Variants in HACE1 observed in about 807,000 individuals in gnomAD.
HACE1 encodes HECT domain and ankyrin repeat containing E3 ubiquitin protein ligase 1.
A neutral mutation model predicts 118.4 loss-of-function variants in HACE1; 73 were observed. The observed-to-expected ratio is 0.62, with a 90% CI of 0.51 to 0.75. HACE1 has a LOEUF of 0.75. HACE1 is among the 30% of genes least tolerant of loss of function. HACE1 has a pLI of 0.00. For synonymous variants in HACE1, 368 were observed against 374.8 expected (o/e 0.98, Z 0.21); for missense variants, 749 against 1,102.2 (o/e 0.68, Z 4.54).
intron 9 of HACE1, 93 bp from the exon 10 acceptor site, chr6:104,795,778 T>C: frequency 5.3e-6 from 4 of 759,820 alleles, no homozygotes; most frequent in Non-Finnish European, 6.9e-6. Flanking sequence ...TTAAAGCCAA[T>C]TAGTCTAAAT....
chr6:104,817,904 A>C (rs1321981127), intron 6 of HACE1, among the ~76,000 whole-genome samples: 2 of 152,198 alleles, frequency 1.3e-5, no homozygotes, highest in African/African-American at 4.8e-5. Context: ...AAAAGTCATA[A>C]ACTGAGAAAG....
chr6:104,751,459 C>T (rs1778034608), intron 19 of HACE1, among the ~76,000 whole-genome samples: 1 of 152,000 alleles, frequency 6.6e-6, no homozygotes. Context: ...AATATTGTTA[C>T]TTAAAATTTA....
intron 1 of HACE1, among the ~76,000 whole-genome samples, chr6:104,853,478 T>C (rs1776436026): frequency 6.6e-6 from 1 of 152,150 alleles, no homozygotes; most frequent in African/African-American, 2.4e-5. Flanking sequence ...TTCAATGTAT[T>C]TTGGAGGTTT....
At chr6:104,821,197 G>A (rs1772677381) in intron 6 of HACE1, among the ~76,000 whole-genome samples, 1 of 152,170 alleles carries the variant, frequency 6.6e-6, no homozygotes, top group South Asian at 2.1e-4. Flanking sequence ...AGGGGTGGAG[G>A]ATGGGAGGAG....
At chr6:104,784,531 G>A (rs1312052053) in intron 12 of HACE1, 46 bp from the exon 13 acceptor site, 1 of 1,285,678 alleles carries the variant, frequency 7.8e-7, no homozygotes, top group African/African-American at 1.5e-5. Flanking sequence ...AAAAGTTTGT[G>A]ATATAATATA....
At chr6:104,734,368 C>A (rs1775582382) in intron 22 of HACE1, among the ~76,000 whole-genome samples, 1 of 151,930 alleles carries the variant, frequency 6.6e-6, no homozygotes, top group Non-Finnish European at 1.5e-5. Context: ...AAAGATACTT[C>A]AGTATCTAAA....
At chr6:104,788,462 T>C (rs559485315) in intron 11 of HACE1, among the ~76,000 whole-genome samples, 1 of 152,252 alleles carries the variant, frequency 6.6e-6, no homozygotes, top group East Asian at 1.9e-4. Context: ...AGTGCTGAAA[T>C]GAGGAATGAA....
intron 19 of HACE1, among the ~76,000 whole-genome samples, chr6:104,765,445 G>C (rs1323870692): frequency 6.6e-6 from 1 of 152,188 alleles, no homozygotes; most frequent in East Asian, 1.9e-4. Context: ...ATCAGCTGTA[G>C]TCAGTGTCTT....
rs774492588 is a variant in HACE1, at chr6:104,849,186, T to C, written c.282A>G (p.Gln94=). ...LLKKGANPNY[Q]DISGCTPLHL... is the part of the protein sequence containing the mutation. ...GAAGGGGTGTACAGCCTGAAATATC[T>C]TGATAGTTAGGATTTGCTCCTTTCT... Residue 94 remains glutamine (Q), a synonymous_variant, in exon 4 of 24, where the codon CAA becomes CAG. Transcript: ENST00000262903. 2 of 1,611,136 alleles carry C rather than the reference T, an allele frequency of 1.2e-6. No homozygotes were observed. The highest frequency in any genetic ancestry group is 1.7e-5 in the Admixed American group (1 of 60,010).
chr6:104,743,932 A>T (rs1371192043), intron 22 of HACE1, among the ~76,000 whole-genome samples: 1 of 152,124 alleles, frequency 6.6e-6, no homozygotes, highest in Non-Finnish European at 1.5e-5. Context: ...TATACTGATA[A>T]TCCTAACTGG....
chr6:104,784,213 G>GAGCAGCA (rs765885832), intron 13 of HACE1, 40 bp from the exon 14 acceptor site: 1 of 1,140,230 alleles, frequency 8.8e-7, no homozygotes, highest in South Asian at 1.2e-5. Flanking sequence ...CAGGAAGAAT[G>GAGCAGCA]AGTAGCATTA....
chr6:104,792,937 A>G (rs999171513), intron 10 of HACE1, among the ~76,000 whole-genome samples: 2 of 152,168 alleles, frequency 1.3e-5, no homozygotes, highest in Non-Finnish European at 2.9e-5. Context: ...GCTCATTAGA[A>G]GCACGGAGCT....
At chr6:104,779,848 A>C (rs1183685807) in intron 14 of HACE1, among the ~76,000 whole-genome samples, 4 of 152,156 alleles carry the variant, frequency 2.6e-5, no homozygotes, top group South Asian at 4.1e-4. Flanking sequence ...CAAATAAAGA[A>C]CATAATTATG....
intron 17 of HACE1, among the ~76,000 whole-genome samples, chr6:104,775,004 T>C (rs2114734160): frequency 6.6e-6 from 1 of 152,322 alleles, no homozygotes. Context: ...TTATTAATAC[T>C]ATGACACCAA....
At chr6:104,802,555 C>A (rs1770499840) in intron 7 of HACE1, among the ~76,000 whole-genome samples, 1 of 152,132 alleles carries the variant, frequency 6.6e-6, no homozygotes, top group Non-Finnish European at 1.5e-5. Flanking sequence ...TCAGGATTAA[C>A]AAACTCATTC....
chr6:104,749,751 C>T (rs1393555490), intron 20 of HACE1, among the ~76,000 whole-genome samples: 1 of 151,876 alleles, frequency 6.6e-6, no homozygotes, highest in Non-Finnish European at 1.5e-5. Context: ...AAAATGCAGA[C>T]ATAAATCATA....
intron 7 of HACE1, among the ~76,000 whole-genome samples, chr6:104,803,428 C>A (rs1770620644): frequency 6.6e-6 from 1 of 152,144 alleles, no homozygotes; most frequent in Non-Finnish European, 1.5e-5. Context: ...GAATTTTAGA[C>A]CAATATCCTT....
At chr6:104,731,614 GA>G (rs1775209733) in intron 22 of HACE1, 1 of 151,988 alleles carries the variant, frequency 6.6e-6, no homozygotes, top group South Asian at 2.1e-4. Context: ...ATTCAAAGGG[GA>G]AAAGACAGTC....
rs1396496468 is a variant in HACE1 at position 104,807,668 on chromosome 6, T to C, written c.617+3643A>G. 4.6e-5 allele frequency among the ~76,000 whole-genome samples: 7 copies of C among 152,094 alleles called. No individual in the cohort carries two copies. The South Asian group carries it at 6.2e-4, about 14-fold the overall frequency. On this transcript the variant is annotated intron_variant, in intron 7 of 23. Transcript: ENST00000262903. Reference sequence around the variant, plus strand: ...GGATTTGAAATATTGGTAGAAGTCATATAAAAGACTTAAAGGTGTGTAAAG... The same window carrying C: ...GGATTTGAAATATTGGTAGAAGTCACATAAAAGACTTAAAGGTGTGTAAAG...
Sources: allele counts gnomAD v4.1 joint callset (sites outside exome capture counted in the v4.1 genomes callset), GRCh38; gene constraint gnomAD v4.1.1; transcripts MANE v1.5; gene names NCBI Gene and HGNC (gene_info 2026-07-23, HGNC 2026-07-21).